ROBO1: variants seen among roughly 807,000 people sequenced by gnomAD.
ROBO1 encodes roundabout guidance receptor 1.
Under a neutral mutation model 195.9 loss-of-function variants are expected in ROBO1, and 149 were observed. That is an observed-to-expected ratio of 0.76 (90% confidence interval 0.67 to 0.87). The LOEUF is 0.87. ROBO1 is among the 40% of genes least tolerant of loss of function. The pLI is 0.00. For synonymous variants in ROBO1, 816 were observed against 733.2 expected (o/e 1.11, Z -1.82); for missense variants, 1,933 against 2,068.3 (o/e 0.93, Z 1.27).
intron 2 of ROBO1, among the ~76,000 whole-genome samples, chr3:79,580,811 A>G (rs778043426): frequency 2.0e-5 from 3 of 152,164 alleles, no homozygotes; most frequent in Non-Finnish European, 4.4e-5. Context: ...GGCCAGTTAC[A>G]ATACGTTTTT....
At chr3:79,736,019 G>A (rs1457622504) in intron 1 of ROBO1, among the ~76,000 whole-genome samples, 2 of 152,096 alleles carry the variant, frequency 1.3e-5, no homozygotes, top group African/African-American at 2.4e-5. Flanking sequence ...TTTGTTTTTT[G>A]TAAAGCTCCA....
chr3:79,462,881 T>C (rs1354259375), intron 2 of ROBO1, among the ~76,000 whole-genome samples: 1 of 152,246 alleles, frequency 6.6e-6, no homozygotes, highest in African/African-American at 2.4e-5. Context: ...ATGTTACTAT[T>C]TACACAAACT....
chr3:78,726,547 G>A (rs1365045797), intron 5 of ROBO1, among the ~76,000 whole-genome samples: 1 of 152,108 alleles, frequency 6.6e-6, no homozygotes, highest in Non-Finnish European at 1.5e-5. Flanking sequence ...TGAGATGAGA[G>A]GTTTTGAATG....
chr3:78,622,721 T>C (rs1468290264), intron 26 of ROBO1, among the ~76,000 whole-genome samples: 1 of 152,226 alleles, frequency 6.6e-6, no homozygotes, highest in Non-Finnish European at 1.5e-5. Flanking sequence ...CAGTTCTAAA[T>C]GTTAACTGGC....
chr3:79,144,548 T>C lies in ROBO1; in HGVS notation c.89-19009A>G, dbSNP rs141002299. On this transcript the variant is annotated intron_variant, in intron 2 of 30. Coordinates refer to ENST00000464233, the MANE Select transcript of ROBO1 (RefSeq NM_002941.4). ...TCTTTATTCATATGTGCATAGGAAA[T>C]TTTGATAGATGGAATGGAGTACGTG... Among the ~76,000 whole-genome samples, 668 of 152,066 alleles carry C rather than the reference T, an allele frequency of 4.4e-3. 5 individuals are homozygous for C. Among genetic ancestry groups the C allele is most frequent in the African/African-American group, 0.015 (641 of 41,522 alleles).
chr3:79,508,255 AT>A (rs1940515176), intron 2 of ROBO1, among the ~76,000 whole-genome samples: 2 of 151,024 alleles, frequency 1.3e-5, no homozygotes, highest in Admixed American at 6.6e-5. Flanking sequence ...AAGTATAATA[AT>A]AAAAATCAAA....
At chr3:79,166,519 A>G (rs992032798) in intron 2 of ROBO1, among the ~76,000 whole-genome samples, 2 of 151,316 alleles carry the variant, frequency 1.3e-5, no homozygotes, top group Non-Finnish European at 2.9e-5. Context: ...TCTTCCCACT[A>G]GAATGTAAGT....
intron 4 of ROBO1, among the ~76,000 whole-genome samples, chr3:78,922,224 C>T (rs1007871765): frequency 6.6e-6 from 1 of 152,092 alleles, no homozygotes; most frequent in Non-Finnish European, 1.5e-5. Flanking sequence ...AAAAAACTAA[C>T]CTCTCACCTG....
chr3:79,344,383 C>A (rs529014453), intron 2 of ROBO1, among the ~76,000 whole-genome samples: 3 of 152,042 alleles, frequency 2.0e-5, no homozygotes, highest in Non-Finnish European at 4.4e-5. Context: ...GCAAAAGAGA[C>A]CCTTCACCTC....
intron 1 of ROBO1, among the ~76,000 whole-genome samples, chr3:79,738,284 C>G (rs778280363): frequency 6.6e-6 from 1 of 151,972 alleles, no homozygotes; most frequent in Non-Finnish European, 1.5e-5. Context: ...AAGACTCTCC[C>G]GAAAGGCATT....
At chr3:79,296,187 T>A (rs1048313292) in intron 2 of ROBO1, among the ~76,000 whole-genome samples, 2 of 152,274 alleles carry the variant, frequency 1.3e-5, no homozygotes, top group Admixed American at 6.5e-5. Context: ...TGTCAAAAAA[T>A]TTCTTATAAG....
chr3:79,478,387 A>AAG (rs1559927948), intron 2 of ROBO1, among the ~76,000 whole-genome samples: 1 of 137,624 alleles, frequency 7.3e-6, no homozygotes, highest in African/African-American at 2.7e-5. Flanking sequence ...CTGCAGACCA[A>AAG]CCCCCCCACC....
Position 79,618,716 on chromosome 3 carries a change from C to T in ROBO1, c.-50-28755G>A, listed in dbSNP as rs111528833. ...CTGTTTCATGGTCTCTTCACATGGA[C>T]GCACATGACATTTGGTGCCTCACTC... On this transcript the variant is annotated intron_variant, in intron 1 of 30. Coordinates refer to ENST00000464233, the MANE Select transcript of ROBO1 (RefSeq NM_002941.4). Among the ~76,000 whole-genome samples, 314 of 152,270 alleles carry T rather than the reference C, an allele frequency of 2.1e-3. 1 individual carries two copies. The highest frequency in any genetic ancestry group is 6.7e-3 in the African/African-American group (279 of 41,572).
intron 2 of ROBO1, among the ~76,000 whole-genome samples, chr3:79,359,836 T>C (rs1260896476): frequency 7.2e-5 from 11 of 151,866 alleles, no homozygotes; most frequent in Non-Finnish European, 1.5e-4. Flanking sequence ...AAGCATAAGA[T>C]AAAATACTTC....
chr3:78,812,203 C>A (rs76533818), intron 4 of ROBO1, among the ~76,000 whole-genome samples: 1 of 152,160 alleles, frequency 6.6e-6, no homozygotes, highest in African/African-American at 2.4e-5. Flanking sequence ...GTTTCTCTCA[C>A]ACTGTTCCTT....
intron 2 of ROBO1, among the ~76,000 whole-genome samples, chr3:79,526,175 C>G (rs2107596539): frequency 6.6e-6 from 1 of 152,232 alleles, no homozygotes; most frequent in South Asian, 2.1e-4. Context: ...TATTTTGAAT[C>G]TTATTGTTTC....
intron 2 of ROBO1, among the ~76,000 whole-genome samples, chr3:79,395,230 G>A (rs767856825): frequency 3.6e-4 from 53 of 149,184 alleles, no homozygotes; most frequent in Non-Finnish European, 7.4e-4. Flanking sequence ...GCTGAGGCAG[G>A]AGAATGGAGT....
chr3:79,021,097 C>T (rs1443196417), intron 3 of ROBO1, among the ~76,000 whole-genome samples: 1 of 152,108 alleles, frequency 6.6e-6, no homozygotes, highest in African/African-American at 2.4e-5. Flanking sequence ...GAAAGATAGT[C>T]TAATCCTGAG....
intron 3 of ROBO1, among the ~76,000 whole-genome samples, chr3:79,056,555 C>T (rs1415612351): frequency 6.6e-6 from 1 of 152,092 alleles, no homozygotes; most frequent in African/African-American, 2.4e-5. Context: ...CTTTAAAGGA[C>T]TTCCAAAAAC....
Sources: gnomAD v4.1 joint callset for allele counts (sites outside exome capture counted in the v4.1 genomes callset) on GRCh38, gnomAD v4.1.1 for gene constraint, MANE v1.5 for transcripts, NCBI Gene and HGNC (gene_info 2026-07-23, HGNC 2026-07-21) for gene names.